The following STK32B variants were observed in gnomAD, a reference collection of about 807,000 sequenced individuals.
STK32B encodes serine/threonine-protein kinase 32B.
A neutral mutation model predicts 52.6 loss-of-function variants in STK32B; 43 were observed. That is an observed-to-expected ratio of 0.82 (90% CI 0.64 to 1.05). The LOEUF (loss-of-function observed/expected upper bound fraction) is 1.05, where lower values mean the gene tolerates loss of function less well. Among genes scored for constraint, STK32B ranks in the 50% least tolerant of loss-of-function variants. The pLI is 0.00. For missense variants in STK32B, 621 were observed against 534.6 expected (o/e 1.16, Z -1.59); for synonymous variants, 238 against 204.3 (o/e 1.17, Z -1.41).
intron 3 of STK32B, among the ~76,000 whole-genome samples, chr4:5,206,911 C>A (rs1722609188): frequency 6.6e-6 from 1 of 152,190 alleles, no homozygotes; most frequent in Non-Finnish European, 1.5e-5. Flanking sequence ...TCATTCTTCC[C>A]ACCCAAAGTG....
At chr4:5,157,843 G>C (rs149255368) in intron 2 of STK32B, among the ~76,000 whole-genome samples, 1 of 152,198 alleles carries the variant, frequency 6.6e-6, no homozygotes, top group African/African-American at 2.4e-5. Flanking sequence ...ACTTCTCTGA[G>C]CCTCACGTTA....
intron 3 of STK32B, among the ~76,000 whole-genome samples, chr4:5,316,647 T>C (rs1331854705): frequency 2.2e-4 from 2 of 9,146 alleles, no homozygotes. Context: ...ATATATTATA[T>C]ATATAATATA....
intron 6 of STK32B, among the ~76,000 whole-genome samples, chr4:5,426,728 A>G (rs1315046753): frequency 6.7e-6 from 1 of 150,060 alleles, no homozygotes; most frequent in Non-Finnish European, 1.5e-5. Context: ...AAAGAAAAAA[A>G]CACTTACTGG....
intron 6 of STK32B, chr4:5,436,713 T>G: frequency 1.0e-6 from 1 of 969,240 alleles, no homozygotes; most frequent in Non-Finnish European, 1.2e-6. Flanking sequence ...TGAATATCAC[T>G]GTGACAGTCA....
At chr4:5,180,056 G>A (rs1485930305) in intron 3 of STK32B, among the ~76,000 whole-genome samples, 1 of 152,190 alleles carries the variant, frequency 6.6e-6, no homozygotes, top group Non-Finnish European at 1.5e-5. Flanking sequence ...GCTCTCCAGA[G>A]GGAAATTCAG....
chr4:5,182,077 A>G (rs1194385950), intron 3 of STK32B, among the ~76,000 whole-genome samples: 2 of 152,238 alleles, frequency 1.3e-5, no homozygotes, highest in Non-Finnish European at 2.9e-5. Context: ...CATATGGAGC[A>G]GCTTCCATCT....
At chr4:5,165,724 C>T (rs1012703430) in intron 2 of STK32B, among the ~76,000 whole-genome samples, 3 of 152,170 alleles carry the variant, frequency 2.0e-5, no homozygotes, top group Non-Finnish European at 4.4e-5. Context: ...AGCCAGGACC[C>T]CTGAGGTACG....
At position 5,052,001 on chromosome 4, in the gene STK32B, T is replaced by C. The variant is rs532792704; in HGVS notation, c.52+86T>C. The C allele has an allele frequency of 1.6e-4, 246 of 1,532,490 alleles. 2 individuals carry two copies. In the South Asian group the frequency reaches 2.9e-3, roughly 18 times the overall value. The allele number at this position is 1,532,490 out of a possible 1,614,324, so 94.9% of individuals were successfully genotyped here. ...CGGCCGAGCCCTGCGGGGCACCGCA[T>C]GCTGCCCGGCGCGGGGACCCAGGCA... On this transcript the variant is annotated intron_variant, in intron 1 of 11. Coordinates refer to ENST00000282908, the MANE Select transcript of STK32B (RefSeq NM_018401.3).
rs1457773265 is a variant in STK32B at position 5,467,055 on chromosome 4, A to C, written c.1041+221A>C. Among the ~76,000 whole-genome samples, 1 of 152,210 alleles carries C rather than the reference A, an allele frequency of 6.6e-6. No homozygotes were observed. The highest frequency in any genetic ancestry group is 1.5e-5 in the Non-Finnish European group (1 of 68,022). ...CTTGAGCGCTATTCCTACAGCAGGA[A>C]GCTTGTGTAGCTCTAAGGCAGGGGG... On this transcript the variant is annotated intron_variant, in intron 10 of 11. Transcript: ENST00000282908. The surrounding 1 kb of genome is among the most constrained non-coding windows in gnomAD (Gnocchi z 5.8).
intron 1 of STK32B, among the ~76,000 whole-genome samples, chr4:5,113,033 G>C (rs1052304018): frequency 1.3e-5 from 2 of 152,164 alleles, no homozygotes; most frequent in African/African-American, 4.8e-5. Flanking sequence ...ATGAGATGGA[G>C]CCTCTGTCAG....
chr4:5,216,474 G>T (rs999580521), intron 3 of STK32B, among the ~76,000 whole-genome samples: 2 of 152,170 alleles, frequency 1.3e-5, no homozygotes, highest in African/African-American at 4.8e-5. Context: ...ATATAAAGTA[G>T]GAGAACTTAT....
At chr4:5,440,821 T>C (rs1470293935) in intron 6 of STK32B, among the ~76,000 whole-genome samples, 2 of 152,112 alleles carry the variant, frequency 1.3e-5, no homozygotes, top group African/African-American at 4.8e-5. Flanking sequence ...TGAAGGGTTG[T>C]TGAATTTTGT....
At chr4:5,305,688 T>C (rs1044966436) in intron 3 of STK32B, among the ~76,000 whole-genome samples, 44 of 152,112 alleles carry the variant, frequency 2.9e-4, no homozygotes, top group Non-Finnish European at 1.2e-4. Context: ...GTTTTTTGTT[T>C]GTTTCCATTT....
At chr4:5,495,257 T>C (rs1478359582) in intron 11 of STK32B, among the ~76,000 whole-genome samples, 1 of 152,208 alleles carries the variant, frequency 6.6e-6, no homozygotes, top group Non-Finnish European at 1.5e-5. Context: ...CCATATTTCT[T>C]GGAGGCTTTG....
At chr4:5,024,675 G>A in the STK32B span, among the ~76,000 whole-genome samples, 1 of 152,170 alleles carries the variant, frequency 6.6e-6, no homozygotes, top group Admixed American at 6.5e-5. Flanking sequence ...GGTGGGCTAG[G>A]CTTCACCTGC....
intron 1 of STK32B, among the ~76,000 whole-genome samples, chr4:5,093,399 T>G (rs1033861493): frequency 2.6e-5 from 4 of 152,196 alleles, no homozygotes; most frequent in African/African-American, 9.7e-5. Flanking sequence ...CATAGCCACC[T>G]CCTGTTGCTA....
intron 3 of STK32B, among the ~76,000 whole-genome samples, chr4:5,168,670 G>C (rs1461295814): frequency 6.6e-6 from 1 of 152,192 alleles, no homozygotes; most frequent in Non-Finnish European, 1.5e-5. Context: ...TGATGAATCA[G>C]AGTTGAAAAT....
the STK32B span, among the ~76,000 whole-genome samples, chr4:5,025,365 G>A: frequency 6.6e-6 from 1 of 152,186 alleles, no homozygotes; most frequent in Non-Finnish European, 1.5e-5. Context: ...GCTTCCTCTA[G>A]TTTGGCCTCT....
intron 4 of STK32B, among the ~76,000 whole-genome samples, chr4:5,355,755 G>C (rs1041228689): frequency 3.9e-5 from 6 of 152,096 alleles, no homozygotes; most frequent in Non-Finnish European, 8.8e-5. Flanking sequence ...ACCCCTGGAG[G>C]AGAATCACTA....
Sources: gnomAD v4.1 joint callset for allele counts (sites outside exome capture counted in the v4.1 genomes callset) on GRCh38, gnomAD v4.1.1 for gene constraint, Gnocchi (gnomAD v3.1) non-coding constraint, MANE v1.5 for transcripts, NCBI Gene and HGNC (gene_info 2026-07-23, HGNC 2026-07-21) for gene names.